Variants in GUF1 observed in about 807,000 individuals in gnomAD.
The protein encoded by GUF1 is GTP binding elongation factor GUF1, also known as translation factor GUF1, mitochondrial.
GUF1 carries 78 observed loss-of-function variants against 82.4 expected under a neutral mutation model. That is an observed-to-expected ratio of 0.95 (90% CI 0.79 to 1.14). The LOEUF (loss-of-function observed/expected upper bound fraction) is 1.14, where lower values mean the gene tolerates loss of function less well. Ranked by LOEUF, GUF1 falls within the 50% of genes most tolerant of loss-of-function variation. The pLI is 0.00. For missense variants in GUF1, 814 were observed against 798.2 expected (o/e 1.02, Z -0.24); for synonymous variants, 279 against 282.3 (o/e 0.99, Z 0.12).
In GUF1 at chr4:44,686,624, A is replaced by G. The variant is rs1263323458; in HGVS notation, c.849A>G (p.Gly283=). ...VALFDGVVSK[G]DKIVSAHTQK... ...TATTTGACGGAGTGGTTTCCAAAGG[A>G]GATAAAATTGTATCTGCACATACTC... Residue 283 remains glycine, a synonymous_variant, in exon 8 of 17, where the codon GGA becomes GGG. Coordinates refer to ENST00000281543, the MANE Select transcript of GUF1 (RefSeq NM_021927.3). 6.2e-7 allele frequency: 1 copy of G among 1,612,168 alleles called. No homozygotes were observed. The highest frequency in any genetic ancestry group is 1.7e-5 in the Admixed American group (1 of 59,952).
In GUF1 at chr4:44,680,884, A is replaced by G; in HGVS notation, c.426+42A>G. 2.0e-6 allele frequency: 3 copies of G among 1,512,450 alleles called. No individual in the cohort carries two copies. The East Asian group carries it at 6.8e-5, about 34-fold the overall frequency. 93.7% of individuals were successfully genotyped at this position (1,512,450 alleles called of 1,614,324 possible). A position where few individuals can be genotyped will look rare whatever the true frequency, so the allele number is the denominator to read the frequency against. ...TTTTGCATGTATTGTTAAAGTCAAC[A>G]TTGTGTCAGTAGTGCAAACAGATCC... is the stretch of plus-strand genomic sequence containing the variant. On this transcript the variant is annotated intron_variant, in intron 3 of 16. Coordinates refer to ENST00000281543, the MANE Select transcript of GUF1 (RefSeq NM_021927.3).
At chr4:44,679,921 G>C (rs1714664680) in intron 1 of GUF1, among the ~76,000 whole-genome samples, 1 of 152,054 alleles carries the variant, frequency 6.6e-6, no homozygotes, top group African/African-American at 2.4e-5. Flanking sequence ...GTCTTTTGTT[G>C]GATGTCATCT....
rs571157154 is a variant in GUF1, at chr4:44,695,809, A to G, written c.1835+75A>G. 8 of 1,418,638 alleles carry G rather than the reference A, an allele frequency of 5.6e-6. No individual in the cohort carries two copies. In the South Asian group the frequency reaches 6.5e-5, roughly 11 times the overall value. The allele number at this position is 1,418,638 out of a possible 1,614,324, so 87.9% of individuals were successfully genotyped here. ...CCTAAAAAGTGAAAGAATATTGAAC[A>G]TTTTAATTTAACATTGGCCTAAGCT... On this transcript the variant is annotated intron_variant, in intron 15 of 16. Coordinates refer to ENST00000281543, the MANE Select transcript of GUF1 (RefSeq NM_021927.3).
chr4:44,696,600 CTTAACCCAAACCTA>C (rs956393189), intron 15 of GUF1, among the ~76,000 whole-genome samples: 2 of 152,238 alleles, frequency 1.3e-5, no homozygotes, highest in Admixed American at 1.3e-4. Flanking sequence ...TAAATTCGAC[CTTAACCCAAACCTA>C]ATGAGGAAAT....
chr4:44,685,308 T>C (rs1279311542), intron 6 of GUF1, among the ~76,000 whole-genome samples: 2 of 152,136 alleles, frequency 1.3e-5, no homozygotes, highest in African/African-American at 4.8e-5. Context: ...GAACATCCTG[T>C]AATGCACAGG....
Position 44,686,525 on chromosome 4 carries a change from C to T in GUF1, c.750C>T (p.Arg250=). 5 of 1,610,844 alleles carry T rather than the reference C, an allele frequency of 3.1e-6. No homozygotes were observed. Among genetic ancestry groups the T allele is most frequent in the Non-Finnish European group, 4.2e-6 (5 of 1,177,840 alleles). ...TATTTACTAGTCCTAAAGTGCATCG[C>T]AAAAATCCTCTGAGAGCTTTGGTAT... ...IERIPPPKVH[R]KNPLRALVFD... The change falls in exon 8 of 17, where the codon CGC becomes CGT. Residue 250 remains arginine (R), a synonymous_variant. Transcript: ENST00000281543.
chr4:44,678,939 C>T (rs1714610103), intron 1 of GUF1, 152 bp downstream of exon 1: 4 of 737,676 alleles, frequency 5.4e-6, no homozygotes, highest in East Asian at 3.4e-5. Context: ...GAGCACTGCT[C>T]AGGTTCCCGA....
In GUF1 at chr4:44,698,909, A is replaced by ACC; in HGVS notation, c.*228_*229insCC. 1 of 404,266 alleles carries ACC rather than the reference A, an allele frequency of 2.5e-6. No homozygotes were observed. Among genetic ancestry groups the ACC allele is most frequent in the South Asian group, 3.9e-5 (1 of 25,820 alleles). The allele number at this position is 404,266 out of a possible 1,614,324, so 25.0% of individuals were successfully genotyped here. ...TCACTAGTAAGGTGACCGTGGCCAG[A>ACC]TTAACCTTTGTTTCCTCTTCAGTAA... On this transcript the variant is annotated 3_prime_UTR_variant, in exon 17 of 17. Transcript: ENST00000281543.
At chr4:44,694,780 T>C (rs1715684670) in intron 14 of GUF1, among the ~76,000 whole-genome samples, 1 of 146,358 alleles carries the variant, frequency 6.8e-6, no homozygotes, top group African/African-American at 2.5e-5. Context: ...TAATGATGGA[T>C]TTAGAATTGG....
intron 12 of GUF1, 64 bp downstream of exon 12, chr4:44,690,924 C>A: frequency 1.6e-6 from 2 of 1,238,938 alleles, no homozygotes; most frequent in South Asian, 1.7e-5. Flanking sequence ...TGATTTCCAA[C>A]TCAGGTTTTA....
At chr4:44,678,868 T>C in intron 1 of GUF1, 81 bp downstream of exon 1, 1 of 1,366,878 alleles carries the variant, frequency 7.3e-7, no homozygotes, top group Non-Finnish European at 9.8e-7. Context: ...GTATAGGGCT[T>C]TCTGGGACTA....
At position 44,678,766 on chromosome 4, in the gene GUF1, C is replaced by T. The variant is rs1271362376; in HGVS notation, c.144C>T (p.Leu48=). 6.4e-7 allele frequency: 1 copy of T among 1,554,462 alleles called. No individual in the cohort carries two copies. Among genetic ancestry groups the T allele is most frequent in the Non-Finnish European group, 8.6e-7 (1 of 1,157,104 alleles). ...AAPESWATDR[L]YSSAEFKEKL... is the part of the protein sequence containing the mutation. ...CAGAGTCCTGGGCTACCGACAGGCT[C>T]TACAGCTCCGCAGAATTCAAGGTGA... The change falls in exon 1 of 17, where the codon CTC becomes CTT. Residue 48 remains leucine (L), a synonymous_variant. Transcript: ENST00000281543.
At chr4:44,696,916 A>G (rs1372640078) in intron 15 of GUF1, among the ~76,000 whole-genome samples, 1 of 152,196 alleles carries the variant, frequency 6.6e-6, no homozygotes, top group African/African-American at 2.4e-5. Context: ...TGATCTAGAA[A>G]TTTCTCAAAC....
chr4:44,689,842 G>A lies in GUF1; in HGVS notation c.1203-1G>A, dbSNP rs371315531. On this transcript the variant is annotated splice_acceptor_variant, in intron 10 of 16. Coordinates refer to ENST00000281543, the MANE Select transcript of GUF1 (RefSeq NM_021927.3). LOFTEE classifies it high-confidence loss of function. Reference sequence around the variant, plus strand: ...TTGGAGTTTGTCTTTTCCTCCCCCAGGCTAGGATTTCTTGGACTTTTGCAC... The same window carrying A: ...TTGGAGTTTGTCTTTTCCTCCCCCAAGCTAGGATTTCTTGGACTTTTGCAC... 6.3e-7 allele frequency: 1 copy of A among 1,596,738 alleles called. No homozygotes were observed. The highest frequency in any genetic ancestry group is 8.5e-7 in the Non-Finnish European group (1 of 1,169,654).
intron 12 of GUF1, among the ~76,000 whole-genome samples, chr4:44,691,268 C>G (rs553684904): frequency 6.6e-6 from 1 of 151,694 alleles, no homozygotes; most frequent in South Asian, 2.1e-4. Flanking sequence ...AATTATATTC[C>G]TTAAAAATAC....
Position 44,686,498 on chromosome 4 carries a change from T to A in GUF1, c.735-12T>A. The A allele has an allele frequency of 1.9e-6, 3 of 1,547,860 alleles. No individual in the cohort carries two copies. The highest frequency in any genetic ancestry group is 2.7e-6 in the Non-Finnish European group (3 of 1,129,528). On this transcript the variant is annotated splice_polypyrimidine_tract_variant and intron_variant, in intron 7 of 16. Transcript: ENST00000281543. ...AGTGTATATATATTTACTTTTTACT[T>A]ATATTTACTAGTCCTAAAGTGCATC...
At chr4:44,686,398 T>G (rs1303695361) in intron 7 of GUF1, 112 bp from the exon 8 acceptor site, 7 of 584,902 alleles carry the variant, frequency 1.2e-5, no homozygotes, top group Non-Finnish European at 1.7e-5. Context: ...TTTAGGCTGT[T>G]GTGTATCAAA....
Position 44,698,802 on chromosome 4 carries a change from T to C in GUF1, c.*121T>C, listed in dbSNP as rs1577572579. 7 of 843,000 alleles carry C rather than the reference T, an allele frequency of 8.3e-6. No homozygotes were observed. Among genetic ancestry groups the C allele is most frequent in the Non-Finnish European group, 1.3e-5 (7 of 551,680 alleles). The allele number at this position is 843,000 out of a possible 1,614,324, so 52.2% of individuals were successfully genotyped here. A position where few individuals can be genotyped will look rare whatever the true frequency, so the allele number is the denominator to read the frequency against. On this transcript the variant is annotated 3_prime_UTR_variant, in exon 17 of 17. Coordinates refer to ENST00000281543, the MANE Select transcript of GUF1 (RefSeq NM_021927.3). ...GTTCAAATAACCTACTAGTCTTTCG[T>C]TGAAAGGGAGTAGTTAGTGGGTAGG...
In GUF1 at chr4:44,699,988, CCCATGTTTATTCAG is replaced by C. The variant is rs1199952162; in HGVS notation, c.*1311_*1324del. On this transcript the variant is annotated 3_prime_UTR_variant, in exon 17 of 17. Transcript: ENST00000281543. ...CTGTATTTCTCCAGAGCTCTCAGCT[CCCATGTTTATTCAG>C]CCAACGAACAAACCAGACTGCAGAC... The C allele has an allele frequency of 7.2e-5, 11 of 152,204 alleles. No homozygotes were observed. The highest frequency in any genetic ancestry group is 2.4e-4 in the African/African-American group (10 of 41,444). 9.4% of individuals were successfully genotyped at this position (152,204 alleles called of 1,614,324 possible). A position where few individuals can be genotyped will look rare whatever the true frequency, so the allele number is the denominator to read the frequency against.
Sources: gnomAD v4.1 joint callset for allele counts (sites outside exome capture counted in the v4.1 genomes callset) on GRCh38, gnomAD v4.1.1 for gene constraint, MANE v1.5 for transcripts, NCBI Gene and HGNC (gene_info 2026-07-23, HGNC 2026-07-21) for gene names.